Variants in PRKDC observed in about 807,000 individuals in gnomAD.
PRKDC encodes the protein DNA-dependent protein kinase catalytic subunit.
Under a neutral mutation model 486.9 loss-of-function variants are expected in PRKDC, and 82 were observed. The observed-to-expected ratio is 0.17, with a 90% confidence interval of 0.14 to 0.20. The LOEUF is 0.20. Ranked by LOEUF, PRKDC falls within the 10% of genes least tolerant of loss-of-function variation. The pLI is 1.00. For synonymous variants in PRKDC, 1,895 were observed against 1,837.0 expected (o/e 1.03, Z -0.81); for missense variants, 4,504 against 5,038.2 (o/e 0.89, Z 3.21).
chr8:47,813,679 G>A (rs1041677833), intron 68 of PRKDC, among the ~76,000 whole-genome samples: 3 of 151,994 alleles, frequency 2.0e-5, no homozygotes, highest in African/African-American at 7.3e-5. Context: ...GGGTTCAAGC[G>A]ATTCTCCTGC....
At position 47,863,535 on chromosome 8, in the gene PRKDC, C is replaced by A; in HGVS notation, c.5614G>T (p.Gly1872Cys). ...TFDTQITKKM[G>C]YYKILDVMYS... The stretch of plus-strand genomic sequence containing the variant: ...ATCACGTCTAGAATCTTATAGTAGC[C>A]CATCTTCTTGGTGATTTGAGTATCA... The change falls in exon 42 of 86, where the codon GGC becomes TGC. Residue 1872 changes from glycine to cysteine, a missense_variant. Coordinates refer to ENST00000314191, the MANE Select transcript of PRKDC (RefSeq NM_006904.7). The A allele has an allele frequency of 6.2e-7, 1 of 1,612,400 alleles. No homozygotes were observed. Among genetic ancestry groups the A allele is most frequent in the Non-Finnish European group, 8.5e-7 (1 of 1,179,164 alleles).
intron 58 of PRKDC, among the ~76,000 whole-genome samples, chr8:47,835,451 T>A (rs2087993051): frequency 6.6e-6 from 1 of 151,784 alleles, no homozygotes; most frequent in African/African-American, 2.4e-5. Flanking sequence ...ATCCCATCTC[T>A]ACTAAAATAC....
intron 57 of PRKDC, 36 bp downstream of exon 57, chr8:47,837,175 AT>A: frequency 6.4e-7 from 1 of 1,555,468 alleles, no homozygotes. Context: ...GGAAAAGCCT[AT>A]AATATTCACT....
chr8:47,932,067 T>C (rs527294735), intron 16 of PRKDC, among the ~76,000 whole-genome samples: 2 of 148,962 alleles, frequency 1.3e-5, no homozygotes, highest in South Asian at 4.4e-4. Context: ...ATTTTTTTTG[T>C]ATTTTGTTTG....
chr8:47,779,779 G>A (rs925502429), intron 80 of PRKDC, among the ~76,000 whole-genome samples: 1 of 151,980 alleles, frequency 6.6e-6, no homozygotes, highest in Non-Finnish European at 1.5e-5. Flanking sequence ...TAGTAGAGAC[G>A]GGGTTTCACC....
At chr8:47,789,321 G>C in intron 74 of PRKDC, 83 bp from the exon 75 acceptor site, 4 of 468,410 alleles carry the variant, frequency 8.5e-6, no homozygotes, top group South Asian at 6.9e-5. Flanking sequence ...ACATATATAA[G>C]TTATATATTA....
At chr8:47,779,612 T>C (rs1194415108) in intron 80 of PRKDC, among the ~76,000 whole-genome samples, 3 of 152,114 alleles carry the variant, frequency 2.0e-5, no homozygotes, top group African/African-American at 4.8e-5. Flanking sequence ...TTTTTTGAGA[T>C]GGGAGTCTAG....
intron 69 of PRKDC, among the ~76,000 whole-genome samples, chr8:47,804,594 C>T (rs919892689): frequency 2.6e-5 from 4 of 152,090 alleles, no homozygotes; most frequent in African/African-American, 4.8e-5. Flanking sequence ...GCCACTGCAC[C>T]CGGCTGGACA....
In PRKDC at chr8:47,837,265, G is replaced by A. The variant is rs2088047449; in HGVS notation, c.7708C>T (p.Pro2570Ser). ...TCGAACATGGGGTTTGGATAATCTGGGCTCATGCTGGTCATTTCGAGCAGA... is the reference window on the plus strand; with the variant it reads ...TCGAACATGGGGTTTGGATAATCTGAGCTCATGCTGGTCATTTCGAGCAGA... The part of the protein sequence containing the change: ...NFLLEMTSMS[P>S]DYPNPMFEHP... Residue 2570 changes from proline (P) to serine (S), a missense_variant, in exon 57 of 86, where the codon CCA (proline) becomes TCA (serine). Pro to Ser is a moderately conservative substitution (Grantham distance 74). Transcript: ENST00000314191. The A allele has an allele frequency of 3.7e-6, 6 of 1,613,840 alleles. No individual in the cohort carries two copies. The highest frequency in any genetic ancestry group is 1.3e-5 in the African/African-American group (1 of 75,004).
chr8:47,930,859 C>A, intron 16 of PRKDC, 72 bp from the exon 17 acceptor site: 1 of 1,415,118 alleles, frequency 7.1e-7, no homozygotes. Flanking sequence ...AACTTTCCAA[C>A]TGACTTCATG....
At chr8:47,858,400 CTTTT>C in intron 48 of PRKDC, 112 bp downstream of exon 48, 1 of 1,083,018 alleles carries the variant, frequency 9.2e-7, no homozygotes, top group Non-Finnish European at 1.3e-6. Context: ...TTATATTTTC[CTTTT>C]TTGTGTGTGT....
chr8:47,869,880 T>C (rs1034163113), intron 40 of PRKDC, among the ~76,000 whole-genome samples: 1 of 151,978 alleles, frequency 6.6e-6, no homozygotes, highest in Non-Finnish European at 1.5e-5. Context: ...TGAGTGAAAA[T>C]CAGCAGTAGC....
intron 44 of PRKDC, among the ~76,000 whole-genome samples, chr8:47,861,534 C>T (rs1017955811): frequency 5.3e-5 from 8 of 152,164 alleles, no homozygotes; most frequent in Non-Finnish European, 8.8e-5. Flanking sequence ...GGAAAGTGCA[C>T]GCCATGGTGG....
At chr8:47,858,661 T>C (rs1226491808) in intron 47 of PRKDC, 26 bp from the exon 48 acceptor site, 1 of 1,475,106 alleles carries the variant, frequency 6.8e-7, no homozygotes, top group South Asian at 1.4e-5. Context: ...CAAAATTACC[T>C]TAAAACGTGG....
At chr8:47,817,711 C>A (rs1191802298) in intron 67 of PRKDC, 150 bp from the exon 68 acceptor site, 4 of 555,806 alleles carry the variant, frequency 7.2e-6, no homozygotes, top group Admixed American at 6.0e-5. Flanking sequence ...AGTTACCATA[C>A]TAAATTTAAT....
chr8:47,959,348 G>C (rs2090770595), intron 1 of PRKDC: 1 of 152,138 alleles, frequency 6.6e-6, no homozygotes, highest in South Asian at 2.1e-4. Flanking sequence ...TTTGGAAAAG[G>C]TACTGGTGGG....
chr8:47,820,036 G>A (rs1589719108), intron 66 of PRKDC, among the ~76,000 whole-genome samples: 2 of 152,294 alleles, frequency 1.3e-5, no homozygotes, highest in Admixed American at 1.3e-4. Context: ...GAAAGAAAGA[G>A]TGGCAGCAAA....
intron 7 of PRKDC, among the ~76,000 whole-genome samples, chr8:47,946,654 T>C (rs1348568368): frequency 2.0e-5 from 3 of 152,140 alleles, no homozygotes; most frequent in Non-Finnish European, 2.9e-5. Flanking sequence ...AAATACTACC[T>C]ACGTGATGAA....
chr8:47,835,487 C>T (rs767890158), intron 58 of PRKDC, among the ~76,000 whole-genome samples: 4 of 151,470 alleles, frequency 2.6e-5, no homozygotes, highest in Admixed American at 1.3e-4. Context: ...CGAGGTGGTG[C>T]GCGCCTGTAG....
Sources: gnomAD v4.1 joint callset for allele counts (sites outside exome capture counted in the v4.1 genomes callset) on GRCh38, gnomAD v4.1.1 for gene constraint, MANE v1.5 for transcripts, NCBI Gene and HGNC (gene_info 2026-07-23, HGNC 2026-07-21) for gene names.